The following SRCAP variants were observed in gnomAD, a reference collection of about 807,000 sequenced individuals.
SRCAP encodes the protein Snf2 related CREBBP activator protein.
In SRCAP, 46 loss-of-function variants were observed where a neutral mutation model predicts 263.1. That is an observed-to-expected ratio of 0.17 (90% CI 0.14 to 0.22). The LOEUF (loss-of-function observed/expected upper bound fraction) is 0.22, where lower values mean the gene tolerates loss of function less well. Among genes scored for constraint, SRCAP ranks in the 10% least tolerant of loss-of-function variants. The probability of loss-of-function intolerance (pLI) is 1.00; values close to 1 mark genes in which losing one functional copy is unlikely to be tolerated. For missense variants in SRCAP, 3,695 were observed against 4,181.9 expected (o/e 0.88, Z 3.21); for synonymous variants, 1,813 against 1,662.1 (o/e 1.09, Z -2.21).
rs1360786843 is a variant in SRCAP at position 30,727,846 on chromosome 16, C to A, written c.5659-1120C>A. On this transcript the variant is annotated intron_variant, in intron 25 of 33. Coordinates refer to ENST00000262518, the MANE Select transcript of SRCAP (RefSeq NM_006662.3). ...GGATTACAGGTGTGAGCCACCGCGC[C>A]TGGCCCTTGTTTGTATTTTTTGTAG... is the stretch of plus-strand genomic sequence containing the variant. Among the ~76,000 whole-genome samples the A allele has an allele frequency of 2.0e-5, 3 of 152,292 alleles. No homozygotes were observed. In the East Asian group the frequency reaches 5.8e-4, roughly 29 times the overall value.
Position 30,740,167 on chromosome 16 carries a change from AG to A in SRCAP, c.*437del, listed in dbSNP as rs1302797507. On this transcript the variant is annotated 3_prime_UTR_variant, in exon 34 of 34. Transcript: ENST00000262518. Reference sequence around the variant, plus strand: ...GGCTTCTGATTTTCTGGTCTGGTGGAGGGTTGGGTGGGAACTTGGGCATCGT... The same window carrying A: ...GGCTTCTGATTTTCTGGTCTGGTGGAGGTTGGGTGGGAACTTGGGCATCGT... The A allele has an allele frequency of 6.7e-6, 1 of 148,194 alleles. No individual in the cohort carries two copies. The highest frequency in any genetic ancestry group is 1.5e-5 in the Non-Finnish European group (1 of 67,614). 9.2% of individuals were successfully genotyped at this position (148,194 alleles called of 1,614,324 possible).
Position 30,733,734 on chromosome 16 carries a change from A to G in SRCAP, c.6430A>G (p.Met2144Val), listed in dbSNP as rs2151298377. ...TTATGACAGCGACTGGAATCCCACC[A>G]TGGATGCTCAGGCCCAGGACCGCTG... ...VFYDSDWNPT[M>V]DAQAQDRCHR... is the part of the protein sequence containing the mutation. Residue 2144 changes from methionine to valine, a missense_variant, in exon 29 of 34, where the codon ATG (methionine) becomes GTG (valine). Coordinates refer to ENST00000262518, the MANE Select transcript of SRCAP (RefSeq NM_006662.3). This position sits in a 1 kb window ranked among gnomAD's most constrained non-coding sequence, Gnocchi z 5.3. 1 of 1,614,178 alleles carries G rather than the reference A, an allele frequency of 6.2e-7. No homozygotes were observed. The highest frequency in any genetic ancestry group is 8.5e-7 in the Non-Finnish European group (1 of 1,180,030).
intron 18 of SRCAP, among the ~76,000 whole-genome samples, chr16:30,718,512 C>G (rs571706614): frequency 7.0e-6 from 1 of 142,510 alleles, no homozygotes; most frequent in Non-Finnish European, 1.5e-5. Context: ...CTTACTCTGT[C>G]GCTCAGGCTG....
chr16:30,720,965 T>C lies in SRCAP; in HGVS notation c.3240T>C (p.Gly1080=). The change falls in exon 20 of 34, where the codon GGT becomes GGC. Residue 1080 remains glycine (G), a synonymous_variant. Coordinates refer to ENST00000262518, the MANE Select transcript of SRCAP (RefSeq NM_006662.3). The part of the protein sequence containing the change: ...VLLPPLQPNS[G]SLPQVLPSPL... ...TGCCTCCACTGCAGCCCAACAGTGG[T>C]TCTCTCCCCCAGGGTGAGTTGAAAG... 1 of 1,607,076 alleles carries C rather than the reference T, an allele frequency of 6.2e-7. No homozygotes were observed. Among genetic ancestry groups the C allele is most frequent in the Non-Finnish European group, 8.5e-7 (1 of 1,176,416 alleles).
chr16:30,737,435 A>G lies in SRCAP; in HGVS notation c.7395A>G (p.Pro2465=). 1 of 1,598,770 alleles carries G rather than the reference A, an allele frequency of 6.3e-7. No individual in the cohort carries two copies. The highest frequency in any genetic ancestry group is 8.5e-7 in the Non-Finnish European group (1 of 1,172,082). ...TTGTTCCTGTCCCAGTTTCTGCCCC[A>G]GTACCCATTTCAGCCCCAAATCCAA... ...PALVPVPVSA[P]VPISAPNPIT... Residue 2465 remains proline, a synonymous_variant, in exon 34 of 34, where the codon CCA becomes CCG. Coordinates refer to ENST00000262518, the MANE Select transcript of SRCAP (RefSeq NM_006662.3).
In SRCAP at chr16:30,737,170, G is replaced by T. The variant is rs2053168843; in HGVS notation, c.7130G>T (p.Gly2377Val). ...GDESSCGTGG[G>V]THRRSKKAKA... ...GAGAGTTCCTGTGGGACTGGTGGAG[G>T]CACCCACCGGCGCAGTAAAAAGGCC... The change falls in exon 34 of 34, where the codon GGC (glycine) becomes GTC (valine). Residue 2377 changes from glycine to valine, a missense_variant. Transcript: ENST00000262518. 1.2e-6 allele frequency: 2 copies of T among 1,613,918 alleles called. No individual in the cohort carries two copies. The highest frequency in any genetic ancestry group is 1.7e-6 in the Non-Finnish European group (2 of 1,180,002).
intron 18 of SRCAP, among the ~76,000 whole-genome samples, chr16:30,719,197 A>G (rs1056913342): frequency 1.4e-5 from 2 of 143,290 alleles, no homozygotes; most frequent in Non-Finnish European, 3.0e-5. Flanking sequence ...TGCCCCGCCT[A>G]TTATTTATTT....
intron 23 of SRCAP, 71 bp from the exon 24 acceptor site, chr16:30,722,892 C>G (rs1334706191): frequency 6.4e-7 from 1 of 1,556,606 alleles, no homozygotes; most frequent in East Asian, 2.3e-5. Context: ...TCTCCTGCCC[C>G]TGGACTTCTT....
chr16:30,733,094 T>G lies in SRCAP; in HGVS notation c.6128-186T>G, dbSNP rs2053128647. ...AAAGTGATCCACCTGCCTCAGCTTC[T>G]CAGAGTGCAGGGACTACAGGTGTGA... On this transcript the variant is annotated intron_variant, in intron 27 of 33. Transcript: ENST00000262518. This position sits in a 1 kb window ranked among gnomAD's most constrained non-coding sequence, Gnocchi z 5.3. 6.6e-6 allele frequency among the ~76,000 whole-genome samples: 1 copy of G among 152,180 alleles called. No homozygotes were observed. The highest frequency in any genetic ancestry group is 1.5e-5 in the Non-Finnish European group (1 of 68,028).
chr16:30,720,480 A>G, intron 19 of SRCAP, 149 bp downstream of exon 19: 2 of 1,080,936 alleles, frequency 1.9e-6, no homozygotes, highest in Non-Finnish European at 2.7e-6. Flanking sequence ...CAGGGAGAGA[A>G]TAACTAGAAG....
chr16:30,710,995 C>T lies in SRCAP; in HGVS notation c.1229-4C>T. On this transcript the variant is annotated splice_region_variant and splice_polypyrimidine_tract_variant and intron_variant, in intron 9 of 33. Coordinates refer to ENST00000262518, the MANE Select transcript of SRCAP (RefSeq NM_006662.3). ...TATTAATCTTGCTTCTGTCTCTTTCCTAGCGGAGGATGAAGAGGATACTAT... is the reference window on the plus strand; with the variant it reads ...TATTAATCTTGCTTCTGTCTCTTTCTTAGCGGAGGATGAAGAGGATACTAT... 1 of 1,613,618 alleles carries T rather than the reference C, an allele frequency of 6.2e-7. No individual in the cohort carries two copies. The highest frequency in any genetic ancestry group is 8.5e-7 in the Non-Finnish European group (1 of 1,179,576).
chr16:30,725,325 T>G, intron 25 of SRCAP: 2 of 661,534 alleles, frequency 3.0e-6, no homozygotes, highest in Non-Finnish European at 4.6e-6. Flanking sequence ...CCGGCCTCTT[T>G]TCCCGTTTTT....
chr16:30,737,265 G>A lies in SRCAP; in HGVS notation c.7225G>A (p.Ala2409Thr), dbSNP rs746405300. The A allele has an allele frequency of 6.2e-6, 10 of 1,613,808 alleles. No individual in the cohort carries two copies. Among genetic ancestry groups the A allele is most frequent in the Non-Finnish European group, 8.5e-6 (10 of 1,179,994 alleles). The stretch of plus-strand genomic sequence containing the variant: ...TGGAGCCCGGGCTGAGACTCAAGGG[G>A]CAAACCACACTCCTGTCATATCCGC... ...LRGARAETQG[A>T]NHTPVISAHQ... The change falls in exon 34 of 34, where the codon GCA becomes ACA. Residue 2409 changes from alanine to threonine, a missense_variant. Coordinates refer to ENST00000262518, the MANE Select transcript of SRCAP (RefSeq NM_006662.3).
chr16:30,738,938 A>G lies in SRCAP; in HGVS notation c.8898A>G (p.Thr2966=), dbSNP rs1450812793. The G allele has an allele frequency of 1.2e-6, 2 of 1,614,010 alleles. No homozygotes were observed. The highest frequency in any genetic ancestry group is 1.3e-5 in the African/African-American group (1 of 75,032). Residue 2966 remains threonine, a synonymous_variant, in exon 34 of 34, where the codon ACA becomes ACG. Coordinates refer to ENST00000262518, the MANE Select transcript of SRCAP (RefSeq NM_006662.3). ...GGGATGGCAACTCCGAAAGTCGGAC[A>G]CAGCCACCCCCACACCCATCACCCC... The part of the protein sequence containing the change: ...SAGDGNSESR[T]QPPPHPSPLT...
In SRCAP at chr16:30,733,828, T is replaced by C. The variant is rs777463085; in HGVS notation, c.6494+30T>C. On this transcript the variant is annotated intron_variant, in intron 29 of 33. Coordinates refer to ENST00000262518, the MANE Select transcript of SRCAP (RefSeq NM_006662.3). This position sits in a 1 kb window ranked among gnomAD's most constrained non-coding sequence, Gnocchi z 5.3. ...TGCCTAGTCTTCCCTCACCTTACTT[T>C]CCGTTTACTGATGGGGTTTCCTGGA... 141 of 1,611,494 alleles carry C rather than the reference T, an allele frequency of 8.7e-5. 4 individuals are homozygous for C. The South Asian group carries it at 1.5e-3, about 17-fold the overall frequency.
At position 30,709,945 on chromosome 16, in the gene SRCAP, G is replaced by C; in HGVS notation, c.951G>C (p.Gln317His). 10 of 1,614,242 alleles carry C rather than the reference G, an allele frequency of 6.2e-6. No homozygotes were observed. Among genetic ancestry groups the C allele is most frequent in the Non-Finnish European group, 8.5e-6 (10 of 1,180,046 alleles). Residue 317 changes from glutamine to histidine, a missense_variant, in exon 8 of 34, where the codon CAG (glutamine) becomes CAC (histidine). Physicochemically the swap from Gln to His is conservative, Grantham distance 24. Transcript: ENST00000262518. ...EQQEGNDAEA[Q>H]RREIELLRRE... ...AGGAAGGCAATGATGCAGAGGCCCAGAGGCGTGAGATTGAGCTGCTTCGCC... is the reference window on the plus strand; with the variant it reads ...AGGAAGGCAATGATGCAGAGGCCCACAGGCGTGAGATTGAGCTGCTTCGCC...
chr16:30,717,453 G>GT (rs1048761562), intron 18 of SRCAP, among the ~76,000 whole-genome samples: 39 of 146,132 alleles, frequency 2.7e-4, no homozygotes, highest in East Asian at 1.8e-3. Flanking sequence ...GTTTTTGGTG[G>GT]TTTTTTTTTT....
chr16:30,710,624 C>G (rs766250139), intron 8 of SRCAP, 130 bp from the exon 9 acceptor site: 19 of 964,994 alleles, frequency 2.0e-5, no homozygotes, highest in South Asian at 3.9e-5. Flanking sequence ...TATTCTTGCC[C>G]TGGGATTATA....
rs372115948 is a variant in SRCAP, at chr16:30,709,755, C to G, written c.856+20C>G. On this transcript the variant is annotated intron_variant, in intron 7 of 33. Transcript: ENST00000262518. Reference sequence around the variant, plus strand: ...ATGAAGGTGTGTGTTCTCTTTGGTCCTGTTACTCTTCCTCATGTACCCTTT... The same window carrying G: ...ATGAAGGTGTGTGTTCTCTTTGGTCGTGTTACTCTTCCTCATGTACCCTTT... 6.2e-7 allele frequency: 1 copy of G among 1,614,006 alleles called. No homozygotes were observed. The highest frequency in any genetic ancestry group is 1.3e-5 in the African/African-American group (1 of 74,916).
Sources: allele counts gnomAD v4.1 joint callset (sites outside exome capture counted in the v4.1 genomes callset), GRCh38; gene constraint gnomAD v4.1.1; non-coding constraint Gnocchi (gnomAD v3.1); transcripts MANE v1.5; gene names NCBI Gene and HGNC (gene_info 2026-07-23, HGNC 2026-07-21).